Variants in GRM5 observed in about 807,000 individuals in gnomAD.
The protein encoded by GRM5 is glutamate metabotropic receptor 5.
A neutral mutation model predicts 83.1 loss-of-function variants in GRM5; 19 were observed. The ratio of observed to expected loss-of-function variants is 0.23; its 90% CI spans 0.16 to 0.34. The LOEUF is 0.34. Ranked by LOEUF, GRM5 falls within the 10% of genes least tolerant of loss-of-function variation. The pLI, the probability that GRM5 is intolerant of heterozygous loss-of-function variation, is 1.00. For synonymous variants in GRM5, 675 were observed against 633.6 expected, an observed-to-expected ratio of 1.07 and a Z score of -0.98; for missense variants, 1,160 against 1,588.3, an observed-to-expected ratio of 0.73 and a Z score of 4.58.
At chr11:88,798,915 C>T (rs1943337767) in intron 3 of GRM5, among the ~76,000 whole-genome samples, 1 of 149,722 alleles carries the variant, frequency 6.7e-6, no homozygotes, top group African/African-American at 2.5e-5. Flanking sequence ...AAGCATGAAA[C>T]CTTGGCACCT....
intron 3 of GRM5, among the ~76,000 whole-genome samples, chr11:88,732,865 TG>T (rs1312310591): frequency 6.6e-6 from 1 of 152,032 alleles, no homozygotes; most frequent in African/African-American, 2.4e-5. Context: ...TGTCCTGTCT[TG>T]GCTATAGTTT....
intron 2 of GRM5, among the ~76,000 whole-genome samples, chr11:88,933,404 G>A (rs1310942899): frequency 6.6e-6 from 1 of 151,686 alleles, no homozygotes; most frequent in African/African-American, 2.4e-5. Flanking sequence ...CTGACTTACT[G>A]TTCATTGCTA....
At chr11:88,646,970 G>A (rs1939475438) in intron 4 of GRM5, among the ~76,000 whole-genome samples, 1 of 151,496 alleles carries the variant, frequency 6.6e-6, no homozygotes, top group African/African-American at 2.4e-5. Context: ...GAGGCTAGAA[G>A]TCTGAAATCA....
At chr11:88,674,086 G>A (rs765958985) in intron 3 of GRM5, among the ~76,000 whole-genome samples, 2 of 151,798 alleles carry the variant, frequency 1.3e-5, no homozygotes, top group African/African-American at 4.8e-5. Context: ...CAGTGTCAGA[G>A]TAAAGTGAAG....
intron 2 of GRM5, among the ~76,000 whole-genome samples, chr11:89,031,243 A>G (rs1941254819): frequency 6.6e-6 from 1 of 151,984 alleles, no homozygotes; most frequent in East Asian, 1.9e-4. Flanking sequence ...TAAACTTTTT[A>G]TGCCAGCAAT....
chr11:88,589,463 G>C (rs987746405), intron 7 of GRM5, among the ~76,000 whole-genome samples: 2 of 152,004 alleles, frequency 1.3e-5, no homozygotes, highest in Non-Finnish European at 2.9e-5. Context: ...AATCACCAAA[G>C]AAAGGTGAGC....
At chr11:88,554,174 T>C (rs903791833) in intron 8 of GRM5, among the ~76,000 whole-genome samples, 1 of 152,126 alleles carries the variant, frequency 6.6e-6, no homozygotes, top group Non-Finnish European at 1.5e-5. Context: ...ATCCATTTCC[T>C]TGTATTTTTC....
chr11:88,772,091 A>G (rs1351521876), intron 3 of GRM5, among the ~76,000 whole-genome samples: 1 of 151,718 alleles, frequency 6.6e-6, no homozygotes, highest in Non-Finnish European at 1.5e-5. Flanking sequence ...TTATTCACCC[A>G]TTGAAGGACA....
At chr11:89,025,002 A>C (rs1483967864) in intron 2 of GRM5, among the ~76,000 whole-genome samples, 1 of 151,640 alleles carries the variant, frequency 6.6e-6, no homozygotes, top group Non-Finnish European at 1.5e-5. Flanking sequence ...TCAAGCCACA[A>C]ATCTATACAA....
At chr11:88,821,117 A>G (rs12282153) in intron 3 of GRM5, among the ~76,000 whole-genome samples, 3,873 of 152,186 alleles carry the variant, frequency 0.025, 173 homozygotes, top group African/African-American at 0.089. Flanking sequence ...AGGGCTCTAC[A>G]TCAGTGTTAA....
intron 2 of GRM5, among the ~76,000 whole-genome samples, chr11:88,899,376 CTT>C (rs903224855): frequency 1.6e-4 from 24 of 149,896 alleles, no homozygotes; most frequent in African/African-American, 4.7e-4. Flanking sequence ...TAAAATAAAA[CTT>C]ATTTCTTGCC....
At position 88,558,675 on chromosome 11, in the gene GRM5, G is replaced by A. The variant is rs557947397; in HGVS notation, c.2630+8378C>T. On this transcript the variant is annotated intron_variant, in intron 8 of 9. Coordinates refer to ENST00000305447, the MANE Select transcript of GRM5 (RefSeq NM_001143831.3). ...AAATTAGCTGGGTGTGGTGGTGCGC[G>A]CTTATAGTCCCACAACTTGGGAGGC... 6.6e-5 allele frequency among the ~76,000 whole-genome samples: 10 copies of A among 151,398 alleles called. No individual in the cohort carries two copies. The East Asian group carries it at 7.8e-4, about 12-fold the overall frequency.
chr11:88,559,721 C>T (rs1164547603), intron 8 of GRM5, among the ~76,000 whole-genome samples: 6 of 152,150 alleles, frequency 3.9e-5, no homozygotes, highest in Non-Finnish European at 8.8e-5. Context: ...ATGTGATTGG[C>T]ACTGTGCACG....
rs61456975 is a variant in GRM5, at chr11:88,885,450, G to GTTTTTTTTTTTTTTTTT, written c.662-35312_662-35296dup. Among the ~76,000 whole-genome samples, 10 of 62,660 alleles carry GTTTTTTTTTTTTTTTTT rather than the reference G, an allele frequency of 1.6e-4. 1 individual carries two copies. The highest frequency in any genetic ancestry group is 6.5e-4 in the South Asian group (1 of 1,540). The allele number at this position is 62,660 out of a possible 152,430, so 41.1% of individuals were successfully genotyped here. On this transcript the variant is annotated intron_variant, in intron 2 of 9. Transcript: ENST00000305447. ...TTCTGAATTCTATAGTAGGTACCAT[G>GTTTTTTTTTTTTTTTTT]TTTTTTTTTTTTTTTTTTTTTTTTT...
intron 2 of GRM5, among the ~76,000 whole-genome samples, chr11:88,938,584 A>G (rs1462971169): frequency 6.7e-6 from 1 of 149,724 alleles, no homozygotes; most frequent in Non-Finnish European, 1.5e-5. Flanking sequence ...GGTACACCCC[A>G]GAGAAGTCAA....
At chr11:88,797,553 T>C (rs188403797) in intron 3 of GRM5, among the ~76,000 whole-genome samples, 215 of 152,346 alleles carry the variant, frequency 1.4e-3, no homozygotes, top group African/African-American at 5.0e-3. Context: ...TACTATTAAA[T>C]TATTCTAATT....
intron 2 of GRM5, among the ~76,000 whole-genome samples, chr11:88,879,494 A>G (rs993006603): frequency 3.3e-5 from 5 of 151,888 alleles, no homozygotes; most frequent in Non-Finnish European, 1.5e-5. Context: ...GGACAATAGC[A>G]AATTTCAAAA....
chr11:89,056,394 C>T (rs1388559706), intron 1 of GRM5, among the ~76,000 whole-genome samples: 1 of 152,030 alleles, frequency 6.6e-6, no homozygotes, highest in Non-Finnish European at 1.5e-5. Flanking sequence ...GCAACGTCAC[C>T]ACAAGATTCA....
chr11:88,848,919 T>A (rs605215), intron 3 of GRM5, among the ~76,000 whole-genome samples: 7 of 152,182 alleles, frequency 4.6e-5, no homozygotes, highest in Non-Finnish European at 7.3e-5. Context: ...AGAGGTAATG[T>A]TTTTTGCCTG....
Sources: gnomAD v4.1 joint callset for allele counts (sites outside exome capture counted in the v4.1 genomes callset) on GRCh38, gnomAD v4.1.1 for gene constraint, MANE v1.5 for transcripts, NCBI Gene and HGNC (gene_info 2026-07-23, HGNC 2026-07-21) for gene names.